FCHO2: variants seen among roughly 807,000 people sequenced by gnomAD.
FCHO2 encodes the protein FCH and mu domain containing endocytic adaptor 2, also known as F-BAR domain only protein 2.
In FCHO2, 43 loss-of-function variants were observed where a neutral mutation model predicts 114.1. The ratio of observed to expected loss-of-function variants is 0.38; its 90% CI spans 0.30 to 0.49. The LOEUF (loss-of-function observed/expected upper bound fraction) is 0.49. Among genes scored for constraint, FCHO2 ranks in the 20% least tolerant of loss-of-function variants. The pLI, the probability that FCHO2 is intolerant of heterozygous loss-of-function variation, is 0.97. For synonymous variants in FCHO2, 293 were observed against 315.2 expected (o/e 0.93, Z 0.75); for missense variants, 807 against 950.4 (o/e 0.85, Z 1.98).
chr5:73,058,002 T>C lies in FCHO2; in HGVS notation c.1254-431T>C, dbSNP rs77817012. 8.1e-3 allele frequency among the ~76,000 whole-genome samples: 1,237 copies of C among 152,172 alleles called. 14 individuals carry two copies. The highest frequency in any genetic ancestry group is 0.013 in the Non-Finnish European group (871 of 68,014). Reference sequence around the variant, plus strand: ...ATACTACTGATAGAGTATCCAACTTTTAAATTAAAAAAAATTATTTTTTTT... The same window carrying C: ...ATACTACTGATAGAGTATCCAACTTCTAAATTAAAAAAAATTATTTTTTTT... On this transcript the variant is annotated intron_variant, in intron 16 of 25. Coordinates refer to ENST00000430046, the MANE Select transcript of FCHO2 (RefSeq NM_138782.3).
At chr5:72,982,165 G>C (rs1753247682) in intron 2 of FCHO2, among the ~76,000 whole-genome samples, 1 of 152,136 alleles carries the variant, frequency 6.6e-6, no homozygotes, top group Non-Finnish European at 1.5e-5. Context: ...CTAGGGGAGA[G>C]AGTTCCTGAC....
intron 5 of FCHO2, among the ~76,000 whole-genome samples, chr5:72,998,163 G>C (rs1754227850): frequency 6.6e-6 from 1 of 152,098 alleles, no homozygotes; most frequent in East Asian, 1.9e-4. Flanking sequence ...AATGGGACAG[G>C]AGCTGACTTT....
intron 2 of FCHO2, among the ~76,000 whole-genome samples, chr5:72,976,564 G>C (rs1752894844): frequency 6.6e-6 from 1 of 152,076 alleles, no homozygotes; most frequent in South Asian, 2.1e-4. Flanking sequence ...TGAGGTATCT[G>C]TTAAGGTCTT....
At chr5:72,990,449 A>T in intron 3 of FCHO2, 29 bp from the exon 4 acceptor site, 3 of 1,461,746 alleles carry the variant, frequency 2.1e-6, no homozygotes, top group Non-Finnish European at 2.7e-6. Flanking sequence ...ACTTTTAATA[A>T]GTTATTCCCA....
At chr5:72,961,376 A>G (rs1396817633) in intron 1 of FCHO2, among the ~76,000 whole-genome samples, 1 of 152,130 alleles carries the variant, frequency 6.6e-6, no homozygotes, top group East Asian at 1.9e-4. Flanking sequence ...TCATTACTTG[A>G]AATTTCCAAA....
At chr5:73,071,530 C>G (rs948220638) in intron 19 of FCHO2, among the ~76,000 whole-genome samples, 2 of 151,896 alleles carry the variant, frequency 1.3e-5, no homozygotes, top group African/African-American at 4.8e-5. Flanking sequence ...AGTTTATAAG[C>G]TCTCTACATT....
At chr5:73,087,436 A>G (rs1743348399) in intron 24 of FCHO2, among the ~76,000 whole-genome samples, 153 bp from the exon 25 acceptor site, 1 of 152,254 alleles carries the variant, frequency 6.6e-6, no homozygotes, top group Non-Finnish European at 1.5e-5. Flanking sequence ...ACTAAAAAAT[A>G]TGAGATTTGG....
chr5:73,082,832 G>A lies in FCHO2; in HGVS notation c.2245+7G>A, dbSNP rs931050853. The A allele has an allele frequency of 7.0e-6, 11 of 1,575,122 alleles. 1 individual carries two copies. The highest frequency in any genetic ancestry group is 9.4e-6 in the Non-Finnish European group (11 of 1,165,042). On this transcript the variant is annotated splice_region_variant and intron_variant, in intron 24 of 25. Transcript: ENST00000430046. ...GAAAAATCAGAAAATGGAGGTAAGT[G>A]TGTGTGTCCTTTTTTATTTATAAAA... is the stretch of plus-strand genomic sequence containing the variant.
At chr5:72,960,257 A>G (rs185042793) in intron 1 of FCHO2, among the ~76,000 whole-genome samples, 16 of 152,332 alleles carry the variant, frequency 1.1e-4, no homozygotes, top group Admixed American at 7.2e-4. Context: ...GGTTTTCTCA[A>G]TTGAAACTAT....
chr5:73,002,310 A>G, intron 5 of FCHO2, among the ~76,000 whole-genome samples: 1 of 152,218 alleles, frequency 6.6e-6, no homozygotes. Flanking sequence ...GAAATGATTC[A>G]GGATCTTCCC....
At chr5:73,034,786 A>G (rs1413034584) in intron 9 of FCHO2, 85 bp downstream of exon 9, 21 of 1,117,228 alleles carry the variant, frequency 1.9e-5, no homozygotes, top group Admixed American at 1.3e-4. Context: ...AGGGACTGCT[A>G]TCCCTAGGTG....
At chr5:73,083,892 C>CAAAAAAAA (rs765390330) in intron 24 of FCHO2, among the ~76,000 whole-genome samples, 1 of 79,296 alleles carries the variant, frequency 1.3e-5, no homozygotes, top group Non-Finnish European at 2.5e-5. Context: ...GACTCTGTCT[C>CAAAAAAAA]AAAAAAAAAA....
intron 1 of FCHO2, among the ~76,000 whole-genome samples, chr5:72,966,754 T>G (rs1426980454): frequency 6.6e-6 from 1 of 152,264 alleles, no homozygotes; most frequent in Admixed American, 6.5e-5. Context: ...TATGTAACAC[T>G]TGCTTATGGT....
intron 14 of FCHO2, 150 bp downstream of exon 14, chr5:73,054,321 A>G: frequency 1.2e-6 from 1 of 866,122 alleles, no homozygotes; most frequent in Non-Finnish European, 1.7e-6. Flanking sequence ...TAAAAACATT[A>G]GGTGTTAAAA....
intron 2 of FCHO2, among the ~76,000 whole-genome samples, chr5:72,973,481 T>G (rs1443232899): frequency 1.3e-5 from 2 of 152,226 alleles, no homozygotes; most frequent in East Asian, 1.9e-4. Flanking sequence ...TTTTCTAGTT[T>G]ATTTGCGTAG....
In FCHO2 at chr5:72,997,190, A is replaced by G. The variant is rs553596673; in HGVS notation, c.495+6326A>G. On this transcript the variant is annotated intron_variant, in intron 5 of 25. Transcript: ENST00000430046. The stretch of plus-strand genomic sequence containing the variant: ...CTGGCCTGGAACGCCTCCTGACTTC[A>G]TCCTCAAGGTGGTAATAGACAAACA... 1.9e-4 allele frequency: 217 copies of G among 1,137,424 alleles called. No individual in the cohort carries two copies. In the Admixed American group the frequency reaches 2.4e-3, roughly 12 times the overall value. 70.5% of individuals were successfully genotyped at this position (1,137,424 alleles called of 1,614,324 possible).
chr5:72,987,065 ATGG>A (rs1753563444), intron 2 of FCHO2, among the ~76,000 whole-genome samples: 2 of 151,562 alleles, frequency 1.3e-5, no homozygotes, highest in African/African-American at 4.9e-5. Flanking sequence ...TTTAGTAGAG[ATGG>A]GGTTTCACCG....
intron 22 of FCHO2, among the ~76,000 whole-genome samples, chr5:73,079,976 A>C (rs1455653500): frequency 6.6e-6 from 1 of 152,240 alleles, no homozygotes; most frequent in East Asian, 1.9e-4. Flanking sequence ...GTATGATATG[A>C]AACCCAGAAG....
At chr5:73,069,830 A>G (rs1395917095) in intron 19 of FCHO2, among the ~76,000 whole-genome samples, 1 of 152,040 alleles carries the variant, frequency 6.6e-6, no homozygotes, top group African/African-American at 2.4e-5. Flanking sequence ...AGTTTTTTCT[A>G]CAAATTCTTA....
Sources: allele counts gnomAD v4.1 joint callset (sites outside exome capture counted in the v4.1 genomes callset), GRCh38; gene constraint gnomAD v4.1.1; transcripts MANE v1.5; gene names NCBI Gene and HGNC (gene_info 2026-07-23, HGNC 2026-07-21).